B3GAT1: variants seen among roughly 807,000 people sequenced by gnomAD.
B3GAT1 encodes the protein galactosylgalactosylxylosylprotein 3-beta-glucuronosyltransferase 1.
In B3GAT1, 11 loss-of-function variants were observed where a neutral mutation model predicts 28.4. The observed-to-expected ratio is 0.39, with a 90% confidence interval of 0.24 to 0.64. The LOEUF is 0.64. B3GAT1 is among the 30% of genes least tolerant of loss of function. The probability of loss-of-function intolerance (pLI) is 0.50; values close to 1 mark genes in which losing one functional copy is unlikely to be tolerated. For synonymous variants in B3GAT1, 255 were observed against 223.1 expected (o/e 1.14, Z -1.27); for missense variants, 375 against 491.0 (o/e 0.76, Z 2.23).
At chr11:134,395,580 A>G (rs140848032) in intron 1 of B3GAT1, among the ~76,000 whole-genome samples, 30 of 152,184 alleles carry the variant, frequency 2.0e-4, no homozygotes, top group African/African-American at 7.2e-4. Flanking sequence ...ACTGGCAAGT[A>G]GTCCTTGTAC....
intron 1 of B3GAT1, chr11:134,388,249 G>T (rs541876333): frequency 5.9e-5 from 14 of 236,258 alleles, no homozygotes; most frequent in Admixed American, 2.3e-4. Flanking sequence ...CCTTTGCCAA[G>T]TCATTTCCGT....
intron 1 of B3GAT1, among the ~76,000 whole-genome samples, chr11:134,398,087 G>C (rs767204558): frequency 6.6e-6 from 1 of 152,170 alleles, no homozygotes; most frequent in Non-Finnish European, 1.5e-5. Flanking sequence ...ACAGGGCATC[G>C]AGGCTGTGCT....
chr11:134,405,618 G>T (rs999418549), intron 1 of B3GAT1, among the ~76,000 whole-genome samples: 1 of 152,200 alleles, frequency 6.6e-6, no homozygotes, highest in Non-Finnish European at 1.5e-5. Context: ...CCCCGACCCC[G>T]GGGGTGGCAG....
intron 1 of B3GAT1, chr11:134,390,310 T>C (rs1332800009): frequency 6.6e-6 from 1 of 152,296 alleles, no homozygotes; most frequent in Non-Finnish European, 1.5e-5. Flanking sequence ...AGACACGTTT[T>C]GGTTCTTTGG....
At position 134,411,548 on chromosome 11, in the gene B3GAT1, C is replaced by T. The variant is rs1378316961; in HGVS notation, c.-282+259G>A. Among the ~76,000 whole-genome samples, 1 of 152,152 alleles carries T rather than the reference C, an allele frequency of 6.6e-6. No homozygotes were observed. Among genetic ancestry groups the T allele is most frequent in the Non-Finnish European group, 1.5e-5 (1 of 68,002 alleles). On this transcript the variant is annotated intron_variant, in intron 1 of 5. Coordinates refer to ENST00000312527, the MANE Select transcript of B3GAT1 (RefSeq NM_054025.3). This position sits in a 1 kb window ranked among gnomAD's most constrained non-coding sequence, Gnocchi z 6.0. ...GAAGCTGCTGAGAACCAGCTCTTCC[C>T]CTAATCCCGGTCGACGAGGGCAGGC...
intron 1 of B3GAT1, among the ~76,000 whole-genome samples, chr11:134,392,898 G>A (rs1944439850): frequency 6.6e-6 from 1 of 152,334 alleles, no homozygotes; most frequent in Admixed American, 6.5e-5. Context: ...CTCAGGCCCT[G>A]AGGAGAGGAG....
At chr11:134,400,301 T>C (rs947302571) in intron 1 of B3GAT1, among the ~76,000 whole-genome samples, 2 of 152,130 alleles carry the variant, frequency 1.3e-5, no homozygotes, top group African/African-American at 4.8e-5. Flanking sequence ...CTGGTCTTAC[T>C]CACCTCTGCA....
rs759233252 is a variant in B3GAT1 at position 134,383,038 on chromosome 11, G to A, written c.622-32C>T. 1.1e-5 allele frequency: 17 copies of A among 1,510,206 alleles called. No individual in the cohort carries two copies. The South Asian group carries it at 1.6e-4, about 15-fold the overall frequency. 93.6% of individuals were successfully genotyped at this position (1,510,206 alleles called of 1,614,324 possible). A position where few individuals can be genotyped will look rare whatever the true frequency, so the allele number is the denominator to read the frequency against. The stretch of plus-strand genomic sequence containing the variant: ...GGGGGGGGTCCAGAGTCAGGGCGCC[G>A]GCACTGCAGATGAGGACGGCCGCGC... On this transcript the variant is annotated intron_variant, in intron 3 of 5. Coordinates refer to ENST00000312527, the MANE Select transcript of B3GAT1 (RefSeq NM_054025.3).
intron 3 of B3GAT1, 80 bp downstream of exon 3, chr11:134,383,600 C>T (rs1474911848): frequency 1.4e-6 from 2 of 1,438,676 alleles, no homozygotes; most frequent in African/African-American, 2.9e-5. Flanking sequence ...CGCGCCTCCG[C>T]ACCCACACCC....
At position 134,387,594 on chromosome 11, in the gene B3GAT1, A is replaced by G. The variant is rs571545138; in HGVS notation, c.66T>C (p.Thr22=). 2 of 1,614,158 alleles carry G rather than the reference A, an allele frequency of 1.2e-6. No individual in the cohort carries two copies. The highest frequency in any genetic ancestry group is 1.7e-6 in the Non-Finnish European group (2 of 1,180,038). Residue 22 remains threonine, a synonymous_variant, in exon 2 of 6, where the codon ACT becomes ACC. Coordinates refer to ENST00000312527, the MANE Select transcript of B3GAT1 (RefSeq NM_054025.3). The part of the protein sequence containing the change: ...LIVLPWTLLI[T]VWHQSTLAPL... ...GTGCGAGGGTGCTCTGGTGCCAGAC[A>G]GTGATGAGCAGAGTCCAGGGCAGCA...
Position 134,410,082 on chromosome 11 carries a change from C to T in B3GAT1, c.-282+1725G>A, listed in dbSNP as rs866883737. 5.9e-5 allele frequency among the ~76,000 whole-genome samples: 9 copies of T among 152,326 alleles called. No homozygotes were observed. The South Asian group carries it at 1.7e-3, about 28-fold the overall frequency. ...GAAACCACTAAGAGAACCTTCAGGT[C>T]TCCCCAGAAGCCGAAGCTGAGGAAC... is the stretch of plus-strand genomic sequence containing the variant. On this transcript the variant is annotated intron_variant, in intron 1 of 5. Coordinates refer to ENST00000312527, the MANE Select transcript of B3GAT1 (RefSeq NM_054025.3).
chr11:134,411,982 CCCGCCCCGCCCGGCCCCG>C lies in B3GAT1; in HGVS notation c.-475_-458del, dbSNP rs1399448102. ...CATAGCCGCGGGGTCCGCGCGCCCG[CCCGCCCCGCCCGGCCCCG>C]CCGCCCCGGCCCGGCTCGTTCTGGG... On this transcript the variant is annotated 5_prime_UTR_variant, in exon 1 of 6. Transcript: ENST00000312527. This position sits in a 1 kb window ranked among gnomAD's most constrained non-coding sequence, Gnocchi z 6.0. 1 of 132,754 alleles carries C rather than the reference CCCGCCCCGCCCGGCCCCG, an allele frequency of 7.5e-6. No individual in the cohort carries two copies. The highest frequency in any genetic ancestry group is 1.7e-5 in the Non-Finnish European group (1 of 60,342). The allele number at this position is 132,754 out of a possible 1,614,324, so 8.2% of individuals were successfully genotyped here.
intron 2 of B3GAT1, chr11:134,384,446 C>G (rs1944225313): frequency 2.0e-6 from 1 of 488,080 alleles, no homozygotes. Context: ...GCTATTTGAG[C>G]GCAGTTGCCC....
At position 134,412,126 on chromosome 11, in the gene B3GAT1, C is replaced by G. The variant is rs1172169120; in HGVS notation, c.-601G>C. ...GGGGAGGGGGAGCGGGGAGGGGGAG[C>G]GGGGAGCGGGCGCGGGGGCGAGAGG... On this transcript the variant is annotated 5_prime_UTR_variant, in exon 1 of 6. Transcript: ENST00000312527. Among the ~76,000 whole-genome samples the G allele has an allele frequency of 2.4e-4, 5 of 20,616 alleles. No individual in the cohort carries two copies. Among genetic ancestry groups the G allele is most frequent in the Non-Finnish European group, 4.1e-4 (4 of 9,872 alleles). The allele number at this position is 20,616 out of a possible 152,430, so 13.5% of individuals were successfully genotyped here.
rs780720219 is a variant in B3GAT1 at position 134,382,983 on chromosome 11, G to C, written c.645C>G (p.Ser215=). The change falls in exon 4 of 6, where the codon TCC becomes TCG. Residue 215 remains serine (S), a synonymous_variant. Transcript: ENST00000312527. ...CACCCACGAAGGCGACGGGCCACAC[G>C]GACACCCTCCTGGTGCTGCGCATCT... ...FEEMRSTRRV[S]VWPVAFVGGL... The C allele has an allele frequency of 2.5e-6, 4 of 1,582,648 alleles. No individual in the cohort carries two copies. Among genetic ancestry groups the C allele is most frequent in the Non-Finnish European group, 3.4e-6 (4 of 1,163,700 alleles).
intron 1 of B3GAT1, among the ~76,000 whole-genome samples, chr11:134,402,581 G>A (rs1565458633): frequency 6.6e-6 from 1 of 152,112 alleles, no homozygotes; most frequent in African/African-American, 2.4e-5. Context: ...TGGGGTGTCA[G>A]CTAACCCCCC....
At chr11:134,410,943 T>A (rs1421271581) in intron 1 of B3GAT1, among the ~76,000 whole-genome samples, 1 of 152,352 alleles carries the variant, frequency 6.6e-6, no homozygotes, top group East Asian at 1.9e-4. Flanking sequence ...CCTTCCTGTA[T>A]GTCCAGAGTC....
intron 1 of B3GAT1, chr11:134,391,443 C>T (rs1456695725): frequency 6.6e-6 from 1 of 152,308 alleles, no homozygotes; most frequent in African/African-American, 2.4e-5. Context: ...CACTGGTCCC[C>T]TCTCGCAGCC....
chr11:134,384,446 C>T, intron 2 of B3GAT1: 7 of 488,080 alleles, frequency 1.4e-5, no homozygotes, highest in East Asian at 3.1e-5. Context: ...GCTATTTGAG[C>T]GCAGTTGCCC....
Sources: allele counts gnomAD v4.1 joint callset (sites outside exome capture counted in the v4.1 genomes callset), GRCh38; gene constraint gnomAD v4.1.1; non-coding constraint Gnocchi (gnomAD v3.1); transcripts MANE v1.5; gene names NCBI Gene and HGNC (gene_info 2026-07-23, HGNC 2026-07-21).